Variants in FBXO36 observed in about 807,000 individuals in gnomAD.
FBXO36 encodes the protein F-box protein 36.
Under a neutral mutation model 17.0 loss-of-function variants are expected in FBXO36, and 18 were observed. The ratio of observed to expected loss-of-function variants is 1.06; its 90% confidence interval spans 0.73 to 1.57. FBXO36 has a LOEUF of 1.57. FBXO36 is among the 40% of genes most tolerant of loss of function. FBXO36 has a pLI of 0.00. For synonymous variants in FBXO36, 83 were observed against 85.3 expected, an observed-to-expected ratio of 0.97 and a Z score of 0.15; for missense variants, 229 against 221.9, an observed-to-expected ratio of 1.03 and a Z score of -0.20.
chr2:229,946,670 A>G (rs1476700823), intron 1 of FBXO36, among the ~76,000 whole-genome samples: 2 of 152,166 alleles, frequency 1.3e-5, no homozygotes, highest in African/African-American at 4.8e-5. Context: ...AGGAGAGACA[A>G]TTTCTTTTCT....
At chr2:229,970,388 G>A (rs2077174850) in intron 1 of FBXO36, among the ~76,000 whole-genome samples, 1 of 152,136 alleles carries the variant, frequency 6.6e-6, no homozygotes, top group Non-Finnish European at 1.5e-5. Context: ...TCTGTAATAG[G>A]CAGAAACTGG....
intron 2 of FBXO36, among the ~76,000 whole-genome samples, chr2:229,985,535 A>G (rs2077264009): frequency 6.6e-6 from 1 of 152,048 alleles, no homozygotes. Context: ...CTTTGTCTTC[A>G]GCCTTGATCT....
chr2:230,000,981 A>G (rs911565358), intron 3 of FBXO36, among the ~76,000 whole-genome samples: 17 of 149,592 alleles, frequency 1.1e-4, no homozygotes, highest in African/African-American at 3.5e-4. Flanking sequence ...CAGCCTCCTG[A>G]GTAGCTGGGT....
At chr2:229,932,936 G>A in intron 1 of FBXO36, 1 of 278,978 alleles carries the variant, frequency 3.6e-6, no homozygotes, top group Admixed American at 4.2e-5. Flanking sequence ...GCGTGGTGAT[G>A]CACGCCTGTA....
intron 2 of FBXO36, among the ~76,000 whole-genome samples, chr2:229,980,474 G>A (rs1278754606): frequency 6.6e-6 from 1 of 152,114 alleles, no homozygotes; most frequent in Non-Finnish European, 1.5e-5. Context: ...CAAAAACCTG[G>A]AGATGGGGAT....
At chr2:230,006,105 G>GTTTTTT (rs577192144) in intron 3 of FBXO36, among the ~76,000 whole-genome samples, 4 of 124,652 alleles carry the variant, frequency 3.2e-5, no homozygotes, top group African/African-American at 9.2e-5. Context: ...TTTTATTTTA[G>GTTTTTT]TTTTTTTTTT....
chr2:229,966,898 T>A (rs1015423211), intron 1 of FBXO36, among the ~76,000 whole-genome samples: 1 of 152,190 alleles, frequency 6.6e-6, no homozygotes, highest in Non-Finnish European at 1.5e-5. Context: ...TTTAAAGTAG[T>A]TTTTTCCAAT....
intron 3 of FBXO36, among the ~76,000 whole-genome samples, chr2:230,008,111 G>A (rs953162937): frequency 6.6e-6 from 1 of 152,154 alleles, no homozygotes; most frequent in African/African-American, 2.4e-5. Context: ...AAGCTTGCGG[G>A]AGGAGATCTC....
intron 1 of FBXO36, chr2:229,939,235 C>A (rs1477794404): frequency 1.0e-6 from 1 of 985,100 alleles, no homozygotes; most frequent in African/African-American, 1.7e-5. Context: ...ATACAACTTT[C>A]TACCTCGTAA....
intron 2 of FBXO36, 125 bp downstream of exon 2, chr2:229,976,474 C>A: frequency 1.5e-6 from 1 of 659,708 alleles, no homozygotes. Flanking sequence ...CTTACATATA[C>A]AATGTTAGAT....
At chr2:229,957,495 T>G (rs951809698) in intron 1 of FBXO36, among the ~76,000 whole-genome samples, 3 of 152,174 alleles carry the variant, frequency 2.0e-5, no homozygotes, top group African/African-American at 7.2e-5. Flanking sequence ...GAGAATTGCT[T>G]GAACCCGGGA....
At chr2:229,939,449 C>CA (rs1184530736) in intron 1 of FBXO36, among the ~76,000 whole-genome samples, 5,509 of 140,230 alleles carry the variant, frequency 0.039, 278 homozygotes, top group African/African-American at 0.12. Context: ...ACTAAAAATA[C>CA]AAAAAAAAAA....
intron 1 of FBXO36, among the ~76,000 whole-genome samples, chr2:229,952,809 A>AT (rs2077064010): frequency 6.6e-6 from 1 of 152,168 alleles, no homozygotes; most frequent in African/African-American, 2.4e-5. Flanking sequence ...TGTGCAACTG[A>AT]TAACGAACTA....
At chr2:229,988,842 T>TG (rs1313769505) in intron 2 of FBXO36, among the ~76,000 whole-genome samples, 2,844 of 130,782 alleles carry the variant, frequency 0.022, 32 homozygotes, top group Non-Finnish European at 0.032. Context: ...TTTTTTTTTT[T>TG]TGTTTTTTTT....
intron 3 of FBXO36, among the ~76,000 whole-genome samples, chr2:229,997,674 G>C (rs961576522): frequency 6.6e-6 from 1 of 151,976 alleles, no homozygotes; most frequent in Non-Finnish European, 1.5e-5. Flanking sequence ...TGCATTTCCT[G>C]TCTCCCAATA....
intron 3 of FBXO36, among the ~76,000 whole-genome samples, chr2:229,997,937 C>A (rs1369080359): frequency 1.3e-5 from 2 of 152,184 alleles, no homozygotes; most frequent in African/African-American, 4.8e-5. Context: ...AATGCTACCC[C>A]ACAATCACAC....
chr2:229,977,842 C>T lies in FBXO36; in HGVS notation c.205+1493C>T, dbSNP rs1029548398. 3.3e-5 allele frequency among the ~76,000 whole-genome samples: 5 copies of T among 152,254 alleles called. No homozygotes were observed. The East Asian group carries it at 5.8e-4, about 18-fold the overall frequency. ...GACCTATAGATGAAACCCACTGTTC[C>T]CACTGGATTATTGTGAAGCAAATCC... On this transcript the variant is annotated intron_variant, in intron 2 of 3. Coordinates refer to ENST00000283946, the MANE Select transcript of FBXO36 (RefSeq NM_174899.5).
chr2:229,962,329 A>G (rs893637542), intron 1 of FBXO36, among the ~76,000 whole-genome samples: 1 of 151,662 alleles, frequency 6.6e-6, no homozygotes, highest in Admixed American at 6.6e-5. Flanking sequence ...TAATTTCGGT[A>G]TCTTTTTTTC....
chr2:230,003,084 G>A (rs1414093310), intron 3 of FBXO36, among the ~76,000 whole-genome samples: 1 of 151,808 alleles, frequency 6.6e-6, no homozygotes, highest in Non-Finnish European at 1.5e-5. Flanking sequence ...GTGGTGGCAT[G>A]CGCCTATAGT....
Sources: allele counts gnomAD v4.1 joint callset (sites outside exome capture counted in the v4.1 genomes callset), GRCh38; gene constraint gnomAD v4.1.1; transcripts MANE v1.5; gene names NCBI Gene and HGNC (gene_info 2026-07-23, HGNC 2026-07-21).